The following TRANK1 variants were observed in gnomAD, a reference collection of about 807,000 sequenced individuals.
TRANK1 encodes the protein TPR and ankyrin repeat-containing protein 1.
Under a neutral mutation model 266.0 loss-of-function variants are expected in TRANK1, and 198 were observed. That is an observed-to-expected ratio of 0.74 (90% CI 0.66 to 0.84). The LOEUF is 0.84. Among genes scored for constraint, TRANK1 ranks in the 40% least tolerant of loss-of-function variants. The pLI, the probability that TRANK1 is intolerant of heterozygous loss-of-function variation, is 0.00. For missense variants in TRANK1, 3,326 were observed against 3,634.6 expected (o/e 0.92, Z 2.18); for synonymous variants, 1,396 against 1,384.1 (o/e 1.01, Z -0.19).
intron 13 of TRANK1, 31 bp from the exon 14 acceptor site, chr3:36,852,376 A>G (rs1159661732): frequency 6.6e-7 from 1 of 1,518,666 alleles, no homozygotes; most frequent in East Asian, 2.4e-5. Flanking sequence ...CAAGTTGGAT[A>G]ATTAACAACA....
At chr3:36,879,759 T>A (rs940060841) in intron 8 of TRANK1, among the ~76,000 whole-genome samples, 1,144 of 101,494 alleles carry the variant, frequency 0.011, 350 homozygotes, top group African/African-American at 0.05. Context: ...TAAATATATA[T>A]AAATATATAT....
chr3:36,919,391 G>A (rs2080182293), intron 1 of TRANK1, among the ~76,000 whole-genome samples: 1 of 152,168 alleles, frequency 6.6e-6, no homozygotes, highest in African/African-American at 2.4e-5. Context: ...TAATAACATA[G>A]TGGGTTCCCT....
intron 7 of TRANK1, among the ~76,000 whole-genome samples, chr3:36,890,658 C>T (rs1479475230): frequency 6.6e-6 from 1 of 152,152 alleles, no homozygotes; most frequent in Non-Finnish European, 1.5e-5. Flanking sequence ...GCCAGTATCT[C>T]TGATAAGATT....
rs1388776667 is a variant in TRANK1, at chr3:36,833,046, G to A, written c.6537C>T (p.Ile2179=). 4.3e-5 allele frequency: 69 copies of A among 1,612,816 alleles called. No individual in the cohort carries two copies. The highest frequency in any genetic ancestry group is 5.6e-5 in the Non-Finnish European group (66 of 1,179,384). ...NKHLLGRLCQ[I]TRSLLGKTYR... ...AGGTCTTCCCAAGCAGGCTCCGTGT[G>A]ATCTGACACAGCCTGCCCAAAAGGT... is the stretch of plus-strand genomic sequence containing the variant. Residue 2179 remains isoleucine (I), a synonymous_variant, in exon 22 of 24, where the codon ATC becomes ATT. Coordinates refer to ENST00000645898, the MANE Select transcript of TRANK1 (RefSeq NM_001329998.2).
At position 36,919,850 on chromosome 3, in the gene TRANK1, T is replaced by C. The variant is rs556819645; in HGVS notation, c.24-11396A>G. 5.9e-5 allele frequency among the ~76,000 whole-genome samples: 9 copies of C among 152,384 alleles called. No individual in the cohort carries two copies. The South Asian group carries it at 1.9e-3, about 32-fold the overall frequency. On this transcript the variant is annotated intron_variant, in intron 1 of 23. Transcript: ENST00000645898. ...TTAGCATTTTCCTGATGACTAATAA[T>C]GTTGTGTGCCTTTTATTGGCCATAT...
At chr3:36,884,852 G>A (rs1340989504) in intron 8 of TRANK1, among the ~76,000 whole-genome samples, 1 of 151,178 alleles carries the variant, frequency 6.6e-6, no homozygotes, top group Non-Finnish European at 1.5e-5. Flanking sequence ...AGAATCGCTT[G>A]AACCCGGGAG....
Position 36,858,830 on chromosome 3 carries a change from G to C in TRANK1, c.1560C>G (p.Asp520Glu), listed in dbSNP as rs2079094729. The change falls in exon 12 of 24, where the codon GAC becomes GAG. Residue 520 changes from aspartate (D) to glutamate (E), a missense_variant. Coordinates refer to ENST00000645898, the MANE Select transcript of TRANK1 (RefSeq NM_001329998.2). ...RPVVTCLKHE[D>E]FELAFLLLTK... ...TCAAGAGAAGGAAAGCCAACTCGAA[G>C]TCCTCATGTTTCAGGCACGTGACAA... The C allele has an allele frequency of 6.5e-7, 1 of 1,537,280 alleles. No homozygotes were observed. The highest frequency in any genetic ancestry group is 8.7e-7 in the Non-Finnish European group (1 of 1,146,894).
intron 4 of TRANK1, 29 bp from the exon 5 acceptor site, chr3:36,895,787 T>C (rs771321576): frequency 6.9e-7 from 1 of 1,450,260 alleles, no homozygotes; most frequent in South Asian, 1.3e-5. Flanking sequence ...ATTTAGGGAT[T>C]TTAATGTGGG....
chr3:36,906,718 G>A (rs1292727888), intron 2 of TRANK1, among the ~76,000 whole-genome samples: 5 of 152,084 alleles, frequency 3.3e-5, no homozygotes, highest in East Asian at 1.9e-4. Flanking sequence ...AATACACACC[G>A]CCACTCAAAG....
In TRANK1 at chr3:36,846,367, A is replaced by G. The variant is rs774298069; in HGVS notation, c.5072T>C (p.Ile1691Thr). 1.9e-6 allele frequency: 3 copies of G among 1,613,832 alleles called. No individual in the cohort carries two copies. Among genetic ancestry groups the G allele is most frequent in the Middle Eastern group, 1.7e-4 (1 of 6,060 alleles). ...NGELKQLYTA[I>T]TRARVNLWIF... ...CCAGAGGTTGACCCGAGCCCGTGTG[A>G]TGGCGGTGTACAGCTGCTTCAGCTC... Residue 1691 changes from isoleucine to threonine, a missense_variant, in exon 17 of 24, where the codon ATC becomes ACC. Physicochemically the swap from Ile to Thr is moderately conservative, Grantham distance 89 (BLOSUM62 -1). Coordinates refer to ENST00000645898, the MANE Select transcript of TRANK1 (RefSeq NM_001329998.2).
chr3:36,930,022 G>C (rs915017620), intron 1 of TRANK1, among the ~76,000 whole-genome samples: 1 of 152,156 alleles, frequency 6.6e-6, no homozygotes, highest in Non-Finnish European at 1.5e-5. Context: ...TTACAGGCAT[G>C]TGCCACCACA....
In TRANK1 at chr3:36,855,770, G is replaced by T. The variant is rs771636870; in HGVS notation, c.3952C>A (p.Arg1318=). 1 of 1,613,506 alleles carries T rather than the reference G, an allele frequency of 6.2e-7. No homozygotes were observed. Among genetic ancestry groups the T allele is most frequent in the Admixed American group, 1.7e-5 (1 of 59,966 alleles). The change falls in exon 13 of 24, where the codon CGG becomes AGG. Residue 1318 remains arginine, a synonymous_variant. Coordinates refer to ENST00000645898, the MANE Select transcript of TRANK1 (RefSeq NM_001329998.2). ...VEMRTGDSDP[R]VYVTFEVFKN... ...AACACCTCAAACGTCACGTACACCC[G>T]GGGGTCACTGTCACCCGTACGCATT...
intron 17 of TRANK1, among the ~76,000 whole-genome samples, chr3:36,844,225 T>G (rs1268365356): frequency 6.6e-6 from 1 of 152,178 alleles, no homozygotes; most frequent in Non-Finnish European, 1.5e-5. Context: ...GTTTGTTTTT[T>G]GTTTTTTGTT....
chr3:36,853,491 C>G (rs780762089), intron 13 of TRANK1, among the ~76,000 whole-genome samples: 8 of 152,186 alleles, frequency 5.3e-5, no homozygotes, highest in Non-Finnish European at 1.2e-4. Context: ...ACTGCTGAAT[C>G]TAAGCAAATA....
At chr3:36,908,723 T>G (rs993220194) in intron 1 of TRANK1, among the ~76,000 whole-genome samples, 2 of 152,220 alleles carry the variant, frequency 1.3e-5, no homozygotes, top group African/African-American at 4.8e-5. Context: ...GCTGCTTCCA[T>G]GCATGAGACA....
At chr3:36,915,754 G>A (rs2080115187) in intron 1 of TRANK1, among the ~76,000 whole-genome samples, 1 of 152,146 alleles carries the variant, frequency 6.6e-6, no homozygotes, top group South Asian at 2.1e-4. Flanking sequence ...GCTGTAACAG[G>A]AGATCACAGC....
chr3:36,845,513 A>G (rs970880178), intron 17 of TRANK1, among the ~76,000 whole-genome samples: 1 of 152,216 alleles, frequency 6.6e-6, no homozygotes, highest in Non-Finnish European at 1.5e-5. Context: ...AGGTATTTGT[A>G]TATATACACA....
Position 36,838,455 on chromosome 3 carries a change from T to G in TRANK1, c.5434A>C (p.Lys1812Gln). 6.2e-7 allele frequency: 1 copy of G among 1,614,068 alleles called. No homozygotes were observed. The highest frequency in any genetic ancestry group is 8.5e-7 in the Non-Finnish European group (1 of 1,179,900). Reference sequence around the variant, plus strand: ...CACTTAAGGGACAGTGTTGGCTCTTTGCACTCCAAATAGGTCTTAGCCAAT... The same window carrying G: ...CACTTAAGGGACAGTGTTGGCTCTTGGCACTCCAAATAGGTCTTAGCCAAT... ...LELAKTYLEC[K>Q]EPTLSLKCLS... The change falls in exon 20 of 24, where the codon AAA becomes CAA. Residue 1812 changes from lysine to glutamine, a missense_variant. Coordinates refer to ENST00000645898, the MANE Select transcript of TRANK1 (RefSeq NM_001329998.2).
intron 1 of TRANK1, among the ~76,000 whole-genome samples, chr3:36,916,315 C>G (rs2125642008): frequency 6.6e-6 from 1 of 152,332 alleles, no homozygotes; most frequent in South Asian, 2.1e-4. Context: ...TCTGTAATCC[C>G]AGCACTTTGG....
Sources: gnomAD v4.1 joint callset for allele counts (sites outside exome capture counted in the v4.1 genomes callset) on GRCh38, gnomAD v4.1.1 for gene constraint, MANE v1.5 for transcripts, NCBI Gene and HGNC (gene_info 2026-07-23, HGNC 2026-07-21) for gene names.